ZNF106: variants seen among roughly 807,000 people sequenced by gnomAD.
The protein encoded by ZNF106 is SH3-domain binding protein 3.
A neutral mutation model predicts 195.1 loss-of-function variants in ZNF106; 67 were observed. That is an observed-to-expected ratio of 0.34 (90% CI 0.28 to 0.42). ZNF106 has a LOEUF of 0.42. Among genes scored for constraint, ZNF106 ranks in the 10% least tolerant of loss-of-function variants. The pLI, the probability that ZNF106 is intolerant of heterozygous loss-of-function variation, is 1.00. For synonymous variants in ZNF106, 784 were observed against 818.6 expected (o/e 0.96, Z 0.72); for missense variants, 2,118 against 2,304.5 (o/e 0.92, Z 1.66).
intron 1 of ZNF106, among the ~76,000 whole-genome samples, chr15:42,472,838 C>T (rs1221787744): frequency 6.6e-6 from 1 of 151,850 alleles, no homozygotes; most frequent in Non-Finnish European, 1.5e-5. Context: ...GGTGAAACCC[C>T]GTCTCTACTC....
At chr15:42,446,749 A>C (rs1006840049) in intron 6 of ZNF106, 91 bp from the exon 7 acceptor site, 57 of 1,060,678 alleles carry the variant, frequency 5.4e-5, no homozygotes, top group Non-Finnish European at 7.7e-5. Context: ...ATAGCCATAC[A>C]CTGTTCTTCA....
chr15:42,454,167 C>A (rs1472135719), intron 4 of ZNF106, among the ~76,000 whole-genome samples: 2 of 152,198 alleles, frequency 1.3e-5, no homozygotes, highest in Admixed American at 1.3e-4. Context: ...ATTTTGGACA[C>A]AAATTGGAAC....
At chr15:42,455,620 A>T (rs1246223550) in intron 4 of ZNF106, among the ~76,000 whole-genome samples, 1 of 152,182 alleles carries the variant, frequency 6.6e-6, no homozygotes, top group Non-Finnish European at 1.5e-5. Flanking sequence ...GGCTGGTCTT[A>T]AAGCCCTGGC....
intron 4 of ZNF106, among the ~76,000 whole-genome samples, 195 bp from the exon 5 acceptor site, chr15:42,452,149 A>T (rs1336994477): frequency 1.3e-5 from 2 of 152,182 alleles, no homozygotes; most frequent in African/African-American, 4.8e-5. Flanking sequence ...CAACTTATTA[A>T]TTTAAAAATA....
intron 1 of ZNF106, among the ~76,000 whole-genome samples, chr15:42,479,153 C>T (rs575692207): frequency 5.5e-4 from 83 of 152,226 alleles, no homozygotes; most frequent in African/African-American, 1.9e-3. Context: ...GTGGGTGGAT[C>T]ACCTGAGGTC....
At chr15:42,459,105 T>G (rs951685085) in intron 3 of ZNF106, among the ~76,000 whole-genome samples, 1 of 152,186 alleles carries the variant, frequency 6.6e-6, no homozygotes, top group Non-Finnish European at 1.5e-5. Flanking sequence ...AATATCAATA[T>G]TCTAATTCCA....
In ZNF106 at chr15:42,439,102, C is replaced by A; in HGVS notation, c.4475G>T (p.Arg1492Leu). The A allele has an allele frequency of 6.2e-7, 1 of 1,614,162 alleles. No individual in the cohort carries two copies. The highest frequency in any genetic ancestry group is 8.5e-7 in the Non-Finnish European group (1 of 1,180,030). The change falls in exon 11 of 22, where the codon CGT becomes CTT. Residue 1492 changes from arginine to leucine, a missense_variant. By Grantham distance (102) the Arg-to-Leu change is moderately radical (BLOSUM62 -2). Transcript: ENST00000564754. ...AGAGCTAACTTCATCACACCCAGAA[C>A]GAGACGTTTCTAGTGGGTTTTGCTC... The part of the protein sequence containing the change: ...STEQNPLETS[R>L]SGCDEVSSTS...
chr15:42,439,877 G>A, intron 10 of ZNF106, 64 bp from the exon 11 acceptor site: 2 of 1,430,956 alleles, frequency 1.4e-6, no homozygotes, highest in Non-Finnish European at 1.9e-6. Context: ...ATCACTGACT[G>A]AAACTCTACC....
chr15:42,481,135 T>C (rs1216519291), intron 1 of ZNF106, among the ~76,000 whole-genome samples: 5 of 152,110 alleles, frequency 3.3e-5, no homozygotes, highest in Admixed American at 6.6e-5. Context: ...TTTTGTGCTA[T>C]AGTAATTTTT....
Position 42,439,273 on chromosome 15 carries a change from C to A in ZNF106, c.4304G>T (p.Ser1435Ile), listed in dbSNP as rs944860331. The change falls in exon 11 of 22, where the codon AGT becomes ATT. Residue 1435 changes from serine (S) to isoleucine (I), a missense_variant. Coordinates refer to ENST00000564754, the MANE Select transcript of ZNF106 (RefSeq NM_001366845.3). ...GTCACTATCTGGCTCATCTCTGACACTCTCCTGCTCCCGACCAGTCCTGCT... is the reference window on the plus strand; with the variant it reads ...GTCACTATCTGGCTCATCTCTGACAATCTCCTGCTCCCGACCAGTCCTGCT... ...EDSRTGREQESVRDEPDSDSS... is the reference protein window; with the variant it reads ...EDSRTGREQEIVRDEPDSDSS... 3.7e-6 allele frequency: 6 copies of A among 1,614,068 alleles called. No individual in the cohort carries two copies. The highest frequency in any genetic ancestry group is 5.1e-6 in the Non-Finnish European group (6 of 1,180,060).
At chr15:42,484,970 C>T (rs1367032330) in intron 1 of ZNF106, among the ~76,000 whole-genome samples, 2 of 152,064 alleles carry the variant, frequency 1.3e-5, no homozygotes, top group African/African-American at 4.8e-5. Context: ...ACCAGTCTGG[C>T]CAACATGGCA....
At chr15:42,472,893 C>T (rs1453746020) in intron 1 of ZNF106, among the ~76,000 whole-genome samples, 1 of 151,848 alleles carries the variant, frequency 6.6e-6, no homozygotes, top group Non-Finnish European at 1.5e-5. Flanking sequence ...GCCTGTAATA[C>T]CAGCTACTCA....
chr15:42,448,146 T>A lies in ZNF106; in HGVS notation c.3061A>T (p.Thr1021Ser), dbSNP rs937213021. ...GCACCAGAGGTACAGCTACTATCTG[T>A]GGCTGCATCCGCTAAACTGGAGATC... ...LAISSLADAA[T>S]DSSCTSGAEQ... The change falls in exon 6 of 22, where the codon ACA becomes TCA. Residue 1021 changes from threonine to serine, a missense_variant. Transcript: ENST00000564754. 1 of 1,614,066 alleles carries A rather than the reference T, an allele frequency of 6.2e-7. No individual in the cohort carries two copies. Among genetic ancestry groups the A allele is most frequent in the Non-Finnish European group, 8.5e-7 (1 of 1,180,020 alleles).
At chr15:42,428,986 C>T (rs544989408) in intron 14 of ZNF106, among the ~76,000 whole-genome samples, 2 of 151,390 alleles carry the variant, frequency 1.3e-5, no homozygotes, top group East Asian at 4.0e-4. Context: ...AGGATGGTCT[C>T]GATCTCCTGA....
At chr15:42,433,169 A>ATG (rs2055121337) in intron 14 of ZNF106, among the ~76,000 whole-genome samples, 6 of 149,048 alleles carry the variant, frequency 4.0e-5, no homozygotes, top group South Asian at 4.3e-4. Flanking sequence ...GCAGTGGCGC[A>ATG]ATCTCGGCTC....
intron 4 of ZNF106, among the ~76,000 whole-genome samples, chr15:42,452,750 A>G (rs540935022): frequency 6.8e-6 from 1 of 146,534 alleles, no homozygotes; most frequent in Non-Finnish European, 1.5e-5. Context: ...CAGTGGCACA[A>G]TCTCAGGTCA....
At chr15:42,484,134 TG>T (rs572107253) in intron 1 of ZNF106, among the ~76,000 whole-genome samples, 6 of 152,246 alleles carry the variant, frequency 3.9e-5, no homozygotes, top group Non-Finnish European at 7.3e-5. Context: ...CCCAGTGTTC[TG>T]ATCAGCCAGC....
chr15:42,457,454 G>C lies in ZNF106; in HGVS notation c.117-296C>G. ...CTTAAAATCTTGTCAGAGGAAACAT[G>C]GTGAAAGGGGAGGCAGGGCAGGGGG... is the stretch of plus-strand genomic sequence containing the variant. On this transcript the variant is annotated intron_variant, in intron 3 of 21. Coordinates refer to ENST00000564754, the MANE Select transcript of ZNF106 (RefSeq NM_001366845.3). The C allele has an allele frequency of 2.4e-6, 3 of 1,267,348 alleles. No homozygotes were observed. In the East Asian group the frequency reaches 1.2e-4, roughly 49 times the overall value. The allele number at this position is 1,267,348 out of a possible 1,614,324, so 78.5% of individuals were successfully genotyped here.
At chr15:42,484,964 G>C (rs2056979137) in intron 1 of ZNF106, among the ~76,000 whole-genome samples, 1 of 152,062 alleles carries the variant, frequency 6.6e-6, no homozygotes, top group African/African-American at 2.4e-5. Context: ...TTCAAGACCA[G>C]TCTGGCCAAC....
Sources: allele counts gnomAD v4.1 joint callset (sites outside exome capture counted in the v4.1 genomes callset), GRCh38; gene constraint gnomAD v4.1.1; transcripts MANE v1.5; gene names NCBI Gene and HGNC (gene_info 2026-07-23, HGNC 2026-07-21).